KCNIP4: variants seen among roughly 807,000 people sequenced by gnomAD.
The protein encoded by KCNIP4 is potassium voltage-gated channel interacting protein 4.
KCNIP4 carries 12 observed loss-of-function variants against 34.0 expected under a neutral mutation model. That is an observed-to-expected ratio of 0.35 (90% CI 0.23 to 0.57). The LOEUF (loss-of-function observed/expected upper bound fraction) is 0.57, where lower values mean the gene tolerates loss of function less well. Ranked by LOEUF, KCNIP4 falls within the 20% of genes least tolerant of loss-of-function variation. The probability of loss-of-function intolerance (pLI) is 0.83; values close to 1 mark genes in which losing one functional copy is unlikely to be tolerated. For missense variants in KCNIP4, 238 were observed against 311.7 expected (o/e 0.76, Z 1.78); for synonymous variants, 124 against 102.2 (o/e 1.21, Z -1.29).
intron 1 of KCNIP4, among the ~76,000 whole-genome samples, chr4:21,730,512 G>A (rs975118618): frequency 6.6e-6 from 1 of 152,120 alleles, no homozygotes; most frequent in African/African-American, 2.4e-5. Context: ...TCATGCCAGT[G>A]ACGGCCAGAC....
intron 1 of KCNIP4, among the ~76,000 whole-genome samples, chr4:21,411,478 G>A (rs1724500581): frequency 6.6e-6 from 1 of 152,150 alleles, no homozygotes; most frequent in South Asian, 2.1e-4. Context: ...AACAGAAACA[G>A]TGAAGACCAA....
At chr4:21,531,806 ATTT>A (rs896936124) in intron 1 of KCNIP4, among the ~76,000 whole-genome samples, 1 of 151,952 alleles carries the variant, frequency 6.6e-6, no homozygotes, top group Non-Finnish European at 1.5e-5. Flanking sequence ...AGGTAAGATT[ATTT>A]TTTTTAACCT....
chr4:21,028,888 C>T (rs142179535), intron 1 of KCNIP4, among the ~76,000 whole-genome samples: 17 of 152,156 alleles, frequency 1.1e-4, no homozygotes, highest in African/African-American at 4.1e-4. Flanking sequence ...TGGAAGAAAC[C>T]CAAAGCATTC....
At chr4:20,938,417 T>C (rs1731299066) in intron 1 of KCNIP4, among the ~76,000 whole-genome samples, 1 of 152,192 alleles carries the variant, frequency 6.6e-6, no homozygotes, top group African/African-American at 2.4e-5. Context: ...GGGTCACCAC[T>C]GATCCATTTT....
chr4:21,054,257 G>A (rs1052160578), intron 1 of KCNIP4, among the ~76,000 whole-genome samples: 5 of 152,022 alleles, frequency 3.3e-5, no homozygotes, highest in Admixed American at 6.6e-5. Context: ...GCTGGCTCAC[G>A]TCTATGATAC....
Position 21,908,952 on chromosome 4 carries a change from C to T in KCNIP4, c.61+39619G>A, listed in dbSNP as rs765071890. Among the ~76,000 whole-genome samples the T allele has an allele frequency of 8.6e-5, 13 of 151,976 alleles. 1 individual carries two copies. The highest frequency in any genetic ancestry group is 1.2e-4 in the African/African-American group (5 of 41,386). ...CTCTGAGTTTGTGTGTTATGGGATA[C>T]GTTTTCTTGAGTTTTAGTCCACATG... On this transcript the variant is annotated intron_variant, in intron 1 of 8. Coordinates refer to ENST00000382152, the MANE Select transcript of KCNIP4 (RefSeq NM_025221.6).
intron 1 of KCNIP4, among the ~76,000 whole-genome samples, chr4:20,969,023 C>G (rs1055890220): frequency 6.6e-6 from 1 of 152,130 alleles, no homozygotes; most frequent in African/African-American, 2.4e-5. Flanking sequence ...TACTAAGTCC[C>G]AGGAAATATT....
intron 1 of KCNIP4, among the ~76,000 whole-genome samples, chr4:21,132,794 A>G (rs1341082810): frequency 2.0e-5 from 3 of 149,868 alleles, no homozygotes; most frequent in Non-Finnish European, 4.4e-5. Flanking sequence ...AGATTACCTG[A>G]GCTCAGGAGT....
At chr4:21,435,950 A>C (rs1471597742) in intron 1 of KCNIP4, among the ~76,000 whole-genome samples, 1 of 152,170 alleles carries the variant, frequency 6.6e-6, no homozygotes, top group African/African-American at 2.4e-5. Flanking sequence ...GAGACACACT[A>C]ACAGGACACA....
intron 1 of KCNIP4, among the ~76,000 whole-genome samples, chr4:21,893,583 T>C (rs1727224416): frequency 6.6e-6 from 1 of 152,176 alleles, no homozygotes; most frequent in South Asian, 2.1e-4. Flanking sequence ...ACAAATTCAT[T>C]ACACACAAGA....
At chr4:21,221,375 G>T (rs1019947497) in intron 1 of KCNIP4, among the ~76,000 whole-genome samples, 4 of 152,240 alleles carry the variant, frequency 2.6e-5, no homozygotes, top group South Asian at 2.1e-4. Context: ...AAGGAAAGAG[G>T]TTTAATCGAT....
intron 1 of KCNIP4, among the ~76,000 whole-genome samples, chr4:21,670,651 T>C (rs1337646210): frequency 6.6e-6 from 1 of 152,096 alleles, no homozygotes; most frequent in East Asian, 1.9e-4. Flanking sequence ...ATCTAAAAAA[T>C]ATATGAGTAA....
At chr4:21,942,948 C>T (rs1730287769) in intron 1 of KCNIP4, among the ~76,000 whole-genome samples, 2 of 151,548 alleles carry the variant, frequency 1.3e-5, no homozygotes, top group African/African-American at 4.9e-5. Context: ...TAGTAGAGAA[C>T]GGGTTTCATC....
In KCNIP4 at chr4:20,910,229, A is replaced by AT. The variant is rs199947069; in HGVS notation, c.62-27521dup. 4.5e-3 allele frequency among the ~76,000 whole-genome samples: 659 copies of AT among 146,528 alleles called. 6 individuals carry two copies. The highest frequency in any genetic ancestry group is 0.015 in the African/African-American group (594 of 39,820). ...AGTAAATCTAGCACTCAAAAGACTT[A>AT]TTTTTTTTTTAAAGAGGGAAGGAAT... On this transcript the variant is annotated intron_variant, in intron 1 of 8. Coordinates refer to ENST00000382152, the MANE Select transcript of KCNIP4 (RefSeq NM_025221.6).
chr4:21,856,990 C>G (rs1303578774), intron 1 of KCNIP4, among the ~76,000 whole-genome samples: 3 of 152,152 alleles, frequency 2.0e-5, no homozygotes, highest in African/African-American at 7.2e-5. Flanking sequence ...TGGCACCACT[C>G]AGCACAAACA....
At chr4:21,270,682 A>C (rs1159646123) in intron 1 of KCNIP4, among the ~76,000 whole-genome samples, 2 of 152,236 alleles carry the variant, frequency 1.3e-5, no homozygotes, top group African/African-American at 4.8e-5. Context: ...GGAAGAAGAC[A>C]CATTAATTTA....
At chr4:20,863,474 G>A (rs765271134) in intron 2 of KCNIP4, among the ~76,000 whole-genome samples, 2 of 152,190 alleles carry the variant, frequency 1.3e-5, no homozygotes, top group African/African-American at 4.8e-5. Context: ...CTTGCAGCCA[G>A]AGGCTGCCTG....
chr4:20,773,034 C>A (rs1414106738), intron 3 of KCNIP4, among the ~76,000 whole-genome samples: 1 of 129,134 alleles, frequency 7.7e-6, no homozygotes, highest in African/African-American at 3.0e-5. Flanking sequence ...AGCCCTGAGT[C>A]TCTGAAGTTA....
At chr4:20,917,735 G>A (rs375634646) in intron 1 of KCNIP4, among the ~76,000 whole-genome samples, 78 of 152,282 alleles carry the variant, frequency 5.1e-4, no homozygotes, top group African/African-American at 1.7e-3. Flanking sequence ...GCTCATGCCT[G>A]TAATCCCAGC....
Sources: gnomAD v4.1 joint callset for allele counts (sites outside exome capture counted in the v4.1 genomes callset) on GRCh38, gnomAD v4.1.1 for gene constraint, MANE v1.5 for transcripts, NCBI Gene and HGNC (gene_info 2026-07-23, HGNC 2026-07-21) for gene names.